Variants in GAP43 observed in about 807,000 individuals in gnomAD.
The protein encoded by GAP43 is neuromodulin.
Under a neutral mutation model 18.6 loss-of-function variants are expected in GAP43, and 6 were observed. The observed-to-expected ratio is 0.32, with a 90% CI of 0.18 to 0.64. GAP43 has a LOEUF of 0.64. Among genes scored for constraint, GAP43 ranks in the 30% least tolerant of loss-of-function variants. The probability of loss-of-function intolerance (pLI) is 0.78; values close to 1 mark genes in which losing one functional copy is unlikely to be tolerated. For missense variants in GAP43, 292 were observed against 295.5 expected (o/e 0.99, Z 0.09); for synonymous variants, 115 against 111.4 (o/e 1.03, Z -0.20).
intron 1 of GAP43, among the ~76,000 whole-genome samples, chr3:115,648,601 G>C (rs1576981653): frequency 6.6e-6 from 1 of 152,236 alleles, no homozygotes; most frequent in Non-Finnish European, 1.5e-5. Flanking sequence ...AAAACATCCA[G>C]AAAGAAATCA....
At chr3:115,634,108 T>C (rs911137062) in intron 1 of GAP43, among the ~76,000 whole-genome samples, 29 of 152,166 alleles carry the variant, frequency 1.9e-4, no homozygotes, top group Admixed American at 1.9e-3. Flanking sequence ...AAAATGAAAG[T>C]TGGGAAGACC....
chr3:115,641,021 T>C (rs189274804), intron 1 of GAP43, among the ~76,000 whole-genome samples: 5 of 142,580 alleles, frequency 3.5e-5, no homozygotes, highest in African/African-American at 1.3e-4. Flanking sequence ...TCTTGCTTTA[T>C]TCTGTTTTTT....
At chr3:115,666,233 C>T (rs955783699) in intron 1 of GAP43, among the ~76,000 whole-genome samples, 3 of 152,054 alleles carry the variant, frequency 2.0e-5, no homozygotes, top group Non-Finnish European at 4.4e-5. Context: ...GTAAACAGAT[C>T]TTCCCCCTTC....
chr3:115,704,987 A>G (rs1423345529), intron 2 of GAP43, among the ~76,000 whole-genome samples: 1 of 152,170 alleles, frequency 6.6e-6, no homozygotes, highest in Admixed American at 6.6e-5. Context: ...TGGCTTAGCC[A>G]TTTGCTTTGA....
intron 2 of GAP43, among the ~76,000 whole-genome samples, chr3:115,696,175 T>G (rs945297667): frequency 5.3e-5 from 8 of 152,166 alleles, no homozygotes; most frequent in African/African-American, 1.7e-4. Flanking sequence ...AACTTGGATA[T>G]CTAATAGATA....
chr3:115,716,767 T>G (rs3925689), intron 2 of GAP43, among the ~76,000 whole-genome samples: 2,872 of 79,116 alleles, frequency 0.036, 163 homozygotes, highest in African/African-American at 0.13. Flanking sequence ...TATATATATA[T>G]ACAGAGAGAG....
rs3086974 is a variant in GAP43, at chr3:115,708,940, GTT to G, written c.629-11831_629-11830del. 4.8e-3 allele frequency among the ~76,000 whole-genome samples: 478 copies of G among 99,748 alleles called. 3 individuals are homozygous for G. The highest frequency in any genetic ancestry group is 0.017 in the African/African-American group (413 of 24,134). The allele number at this position is 99,748 out of a possible 152,430, so 65.4% of individuals were successfully genotyped here. The stretch of plus-strand genomic sequence containing the variant: ...ACAGATGATATTGACAACTGGCTGG[GTT>G]TTTTTTTTTTTTTTTTTTTTTTGCT... On this transcript the variant is annotated intron_variant, in intron 2 of 2. Transcript: ENST00000305124.
chr3:115,692,862 A>C (rs919211318), intron 2 of GAP43, among the ~76,000 whole-genome samples: 5 of 152,244 alleles, frequency 3.3e-5, no homozygotes, highest in African/African-American at 1.2e-4. Context: ...CATACCTGTT[A>C]AAGTGACTTA....
At chr3:115,677,050 T>C (rs1708902054) in intron 2 of GAP43, among the ~76,000 whole-genome samples, 1 of 152,206 alleles carries the variant, frequency 6.6e-6, no homozygotes. Context: ...GCCATCCTCT[T>C]CTTGATCCAG....
At position 115,669,676 on chromosome 3, in the gene GAP43, T is replaced by A. The variant is rs1157538788; in HGVS notation, c.31-6337T>A. On this transcript the variant is annotated intron_variant, in intron 1 of 2. Transcript: ENST00000305124. ...TCTACTCTGATAATGCTTTATACTA[T>A]GTTGAAGATACCACCTCATATTATT... 2.6e-5 allele frequency among the ~76,000 whole-genome samples: 4 copies of A among 152,326 alleles called. No individual in the cohort carries two copies. The East Asian group carries it at 5.8e-4, about 22-fold the overall frequency.
intron 1 of GAP43, chr3:115,663,928 T>A: frequency 6.4e-7 from 1 of 1,551,780 alleles, no homozygotes; most frequent in Non-Finnish European, 8.7e-7. Context: ...TAATTTTACC[T>A]CACATGTAAC....
At chr3:115,708,638 G>T (rs184515465) in intron 2 of GAP43, among the ~76,000 whole-genome samples, 6 of 152,288 alleles carry the variant, frequency 3.9e-5, no homozygotes, top group African/African-American at 1.4e-4. Flanking sequence ...AGGTTGTTTT[G>T]TCCAAAAGCA....
chr3:115,708,632 T>A (rs1322343148), intron 2 of GAP43, among the ~76,000 whole-genome samples: 1 of 152,168 alleles, frequency 6.6e-6, no homozygotes, highest in Non-Finnish European at 1.5e-5. Flanking sequence ...CCATAGAGGT[T>A]GTTTTGTCCA....
In GAP43 at chr3:115,709,103, A is replaced by G. The variant is rs577835413; in HGVS notation, c.629-11691A>G. 4.9e-4 allele frequency among the ~76,000 whole-genome samples: 74 copies of G among 152,276 alleles called. No individual in the cohort carries two copies. The South Asian group carries it at 0.015, about 31-fold the overall frequency. ...AAGCAGCACTGTCATTCAGAACCCC[A>G]GATTTAAAGTTAGTTCTTGTAGGCA... is the stretch of plus-strand genomic sequence containing the variant. On this transcript the variant is annotated intron_variant, in intron 2 of 2. Coordinates refer to ENST00000305124, the MANE Select transcript of GAP43 (RefSeq NM_002045.4).
chr3:115,658,520 C>G (rs1055183719), intron 1 of GAP43: 1 of 152,274 alleles, frequency 6.6e-6, no homozygotes, highest in Admixed American at 6.5e-5. Context: ...CACCGGCTCT[C>G]TGCGCCCCCA....
At chr3:115,692,231 G>T (rs1480355674) in intron 2 of GAP43, among the ~76,000 whole-genome samples, 2 of 152,190 alleles carry the variant, frequency 1.3e-5, no homozygotes, top group African/African-American at 4.8e-5. Flanking sequence ...AGCATGTTCT[G>T]GGATTCAGTT....
intron 1 of GAP43, among the ~76,000 whole-genome samples, chr3:115,651,677 T>C (rs1184823257): frequency 6.6e-6 from 1 of 152,238 alleles, no homozygotes; most frequent in Non-Finnish European, 1.5e-5. Context: ...ATTTCCTCCA[T>C]TTTTATCTGG....
At chr3:115,654,963 A>G (rs188360369) in intron 1 of GAP43, among the ~76,000 whole-genome samples, 8 of 152,358 alleles carry the variant, frequency 5.3e-5, no homozygotes, top group African/African-American at 1.9e-4. Context: ...AGAGACACCT[A>G]GGAAATGATT....
intron 1 of GAP43, among the ~76,000 whole-genome samples, chr3:115,637,177 TGCTTTG>T (rs1023740481): frequency 1.2e-4 from 18 of 152,166 alleles, no homozygotes; most frequent in African/African-American, 4.3e-4. Context: ...ACCTGTCCTT[TGCTTTG>T]GCATTCATCA....
Sources: gnomAD v4.1 joint callset for allele counts (sites outside exome capture counted in the v4.1 genomes callset) on GRCh38, gnomAD v4.1.1 for gene constraint, MANE v1.5 for transcripts, NCBI Gene and HGNC (gene_info 2026-07-23, HGNC 2026-07-21) for gene names.